ATP8B1: variants seen among roughly 807,000 people sequenced by gnomAD.
ATP8B1 encodes the protein ATPase phospholipid transporting 8B1, also known as phospholipid-transporting ATPase IC.
A neutral mutation model predicts 149.9 loss-of-function variants in ATP8B1; 80 were observed. The ratio of observed to expected loss-of-function variants is 0.53; its 90% CI spans 0.45 to 0.64. ATP8B1 has a LOEUF of 0.64. ATP8B1 is among the 30% of genes least tolerant of loss of function. The probability of loss-of-function intolerance (pLI) is 0.00; values close to 1 mark genes in which losing one functional copy is unlikely to be tolerated. For missense variants in ATP8B1, 1,247 were observed against 1,552.6 expected (o/e 0.80, Z 3.31); for synonymous variants, 536 against 562.8 (o/e 0.95, Z 0.67).
At chr18:57,674,542 G>A (rs532323605) in intron 16 of ATP8B1, among the ~76,000 whole-genome samples, 3 of 151,842 alleles carry the variant, frequency 2.0e-5, no homozygotes, top group African/African-American at 4.8e-5. Flanking sequence ...CAGCCACCAC[G>A]CCCGGCTAAT....
intron 1 of ATP8B1, among the ~76,000 whole-genome samples, chr18:57,749,155 T>C (rs1006219485): frequency 6.6e-6 from 1 of 152,224 alleles, no homozygotes; most frequent in Non-Finnish European, 1.5e-5. Context: ...TCCCAATCAA[T>C]GTTTGCTTCC....
At chr18:57,762,741 T>C (rs78665619) in intron 1 of ATP8B1, among the ~76,000 whole-genome samples, 3,104 of 152,304 alleles carry the variant, frequency 0.02, 75 homozygotes, top group African/African-American at 0.068. Flanking sequence ...ACTTTTTTGC[T>C]TTTTCATTGT....
At chr18:57,782,229 C>G (rs2080362997) in intron 1 of ATP8B1, among the ~76,000 whole-genome samples, 1 of 151,894 alleles carries the variant, frequency 6.6e-6, no homozygotes, top group South Asian at 2.1e-4. Flanking sequence ...TAAGATGAAG[C>G]AATAGTTTGC....
chr18:57,695,363 C>T lies in ATP8B1; in HGVS notation c.782-34G>A. The T allele has an allele frequency of 1.3e-6, 2 of 1,590,572 alleles. No individual in the cohort carries two copies. Among genetic ancestry groups the T allele is most frequent in the Non-Finnish European group, 1.7e-6 (2 of 1,159,308 alleles). Reference sequence around the variant, plus strand: ...AATATAAGATTCACATAATTAATCACATACAAAAGTCTTTCTGGTTTTAAT... The same window carrying T: ...AATATAAGATTCACATAATTAATCATATACAAAAGTCTTTCTGGTTTTAAT... On this transcript the variant is annotated intron_variant, in intron 9 of 27. Coordinates refer to ENST00000648908, the MANE Select transcript of ATP8B1 (RefSeq NM_001374385.1).
intron 1 of ATP8B1, among the ~76,000 whole-genome samples, chr18:57,796,243 C>T (rs978732443): frequency 6.6e-6 from 1 of 152,162 alleles, no homozygotes; most frequent in African/African-American, 2.4e-5. Flanking sequence ...GGAACCTCTC[C>T]TCCTCTCAAA....
At chr18:57,726,531 GT>G (rs1167467502) in intron 2 of ATP8B1, among the ~76,000 whole-genome samples, 1 of 152,192 alleles carries the variant, frequency 6.6e-6, no homozygotes, top group Non-Finnish European at 1.5e-5. Flanking sequence ...TAGAGAGTTT[GT>G]AAAAATTCCA....
At position 57,701,457 on chromosome 18, in the gene ATP8B1, G is replaced by A. The variant is rs1599132343; in HGVS notation, c.394-144C>T. 2.7e-5 allele frequency: 21 copies of A among 769,176 alleles called. No individual in the cohort carries two copies. The East Asian group carries it at 3.2e-4, about 12-fold the overall frequency. 47.6% of individuals were successfully genotyped at this position (769,176 alleles called of 1,614,324 possible). On this transcript the variant is annotated intron_variant, in intron 4 of 27. Coordinates refer to ENST00000648908, the MANE Select transcript of ATP8B1 (RefSeq NM_001374385.1). Reference sequence around the variant, plus strand: ...ACATCCTGCAGAGTATATAGGAAAGGCTCTTCAAGCATTTGGACAACCTCC... The same window carrying A: ...ACATCCTGCAGAGTATATAGGAAAGACTCTTCAAGCATTTGGACAACCTCC...
intron 4 of ATP8B1, among the ~76,000 whole-genome samples, chr18:57,703,500 AAGG>A: frequency 6.6e-6 from 1 of 151,664 alleles, no homozygotes; most frequent in East Asian, 1.9e-4. Context: ...AACCCAAGAG[AAGG>A]AGGAGGAGGT....
At chr18:57,726,350 G>T (rs1052111445) in intron 2 of ATP8B1, among the ~76,000 whole-genome samples, 4 of 152,182 alleles carry the variant, frequency 2.6e-5, no homozygotes, top group African/African-American at 9.7e-5. Context: ...ACGGACAAAT[G>T]AGATCACAAG....
At chr18:57,694,206 C>T (rs80173396) in intron 11 of ATP8B1, among the ~76,000 whole-genome samples, 9,973 of 152,138 alleles carry the variant, frequency 0.066, 439 homozygotes, top group Middle Eastern at 0.11. Context: ...GGGAGGCTTG[C>T]TTCTAAGAGA....
chr18:57,762,608 G>T (rs1488037571), intron 1 of ATP8B1, among the ~76,000 whole-genome samples: 1 of 152,190 alleles, frequency 6.6e-6, no homozygotes, highest in African/African-American at 2.4e-5. Context: ...GGAACACACA[G>T]TAAAGGCAGA....
At chr18:57,791,081 C>T (rs1000771869) in intron 1 of ATP8B1, among the ~76,000 whole-genome samples, 2 of 152,128 alleles carry the variant, frequency 1.3e-5, no homozygotes, top group African/African-American at 4.8e-5. Flanking sequence ...CTACCACCAC[C>T]CATCCCTAGA....
chr18:57,650,813 G>C (rs1229538890), intron 26 of ATP8B1, among the ~76,000 whole-genome samples: 1 of 151,568 alleles, frequency 6.6e-6, no homozygotes, highest in Admixed American at 6.6e-5. Flanking sequence ...CTCCAGCCTG[G>C]GTGATAAAGC....
intron 1 of ATP8B1, among the ~76,000 whole-genome samples, chr18:57,800,008 CAAAA>C (rs1219290438): frequency 6.6e-6 from 1 of 151,990 alleles, no homozygotes; most frequent in Non-Finnish European, 1.5e-5. Context: ...TAATAAGAAA[CAAAA>C]AACCTACAGG....
intron 15 of ATP8B1, among the ~76,000 whole-genome samples, chr18:57,681,541 G>A (rs193011646): frequency 2.8e-4 from 42 of 152,138 alleles, no homozygotes; most frequent in African/African-American, 8.4e-4. Flanking sequence ...TGGCTCACGC[G>A]TGTAATCCCA....
At chr18:57,696,465 T>G (rs1055405029) in intron 8 of ATP8B1, among the ~76,000 whole-genome samples, 1 of 151,528 alleles carries the variant, frequency 6.6e-6, no homozygotes, top group African/African-American at 2.4e-5. Flanking sequence ...GCCTTTACAA[T>G]TAAGAAGTGG....
chr18:57,707,566 T>C (rs2122981633), intron 2 of ATP8B1, among the ~76,000 whole-genome samples: 2 of 152,096 alleles, frequency 1.3e-5, no homozygotes, highest in African/African-American at 4.8e-5. Flanking sequence ...ATAATAAAGA[T>C]TGTGTGATCT....
chr18:57,665,794 A>T (rs894913167), intron 20 of ATP8B1, among the ~76,000 whole-genome samples: 1 of 151,746 alleles, frequency 6.6e-6, no homozygotes, highest in African/African-American at 2.4e-5. Flanking sequence ...CTCGTGATCC[A>T]CCCGCCTCGG....
At chr18:57,787,426 A>G (rs1020523059) in intron 1 of ATP8B1, among the ~76,000 whole-genome samples, 17 of 127,958 alleles carry the variant, frequency 1.3e-4, no homozygotes, top group Non-Finnish European at 2.3e-4. Context: ...TCCATCTAGA[A>G]CACTGCGGGA....
Sources: allele counts gnomAD v4.1 joint callset (sites outside exome capture counted in the v4.1 genomes callset), GRCh38; gene constraint gnomAD v4.1.1; transcripts MANE v1.5; gene names NCBI Gene and HGNC (gene_info 2026-07-23, HGNC 2026-07-21).